EFL1: variants seen among roughly 807,000 people sequenced by gnomAD.
The protein encoded by EFL1 is elongation factor like GTPase 1.
In EFL1, 76 loss-of-function variants were observed where a neutral mutation model predicts 126.7. The ratio of observed to expected loss-of-function variants is 0.60; its 90% confidence interval spans 0.50 to 0.73. The LOEUF is 0.73. EFL1 is among the 30% of genes least tolerant of loss of function. The pLI is 0.00. For synonymous variants in EFL1, 410 were observed against 448.4 expected (o/e 0.91, Z 1.08); for missense variants, 1,128 against 1,343.2 (o/e 0.84, Z 2.50).
intron 16 of EFL1, among the ~76,000 whole-genome samples, chr15:82,160,736 A>G (rs2074014697): frequency 6.6e-6 from 1 of 152,194 alleles, no homozygotes; most frequent in African/African-American, 2.4e-5. Flanking sequence ...GGATTCCCAC[A>G]AGTGAAGATC....
intron 15 of EFL1, among the ~76,000 whole-genome samples, chr15:82,196,970 T>C (rs957505480): frequency 6.6e-6 from 1 of 151,350 alleles, no homozygotes; most frequent in African/African-American, 2.4e-5. Flanking sequence ...AGTCAGAGAT[T>C]GCAGTGAGCC....
chr15:82,202,536 C>T (rs1482322691), intron 15 of EFL1, among the ~76,000 whole-genome samples: 2 of 152,048 alleles, frequency 1.3e-5, no homozygotes, highest in Non-Finnish European at 2.9e-5. Context: ...TGTGCATCAT[C>T]CCACAGGATC....
intron 15 of EFL1, among the ~76,000 whole-genome samples, chr15:82,212,030 G>A (rs1490446146): frequency 2.0e-5 from 3 of 152,102 alleles, no homozygotes; most frequent in Non-Finnish European, 4.4e-5. Context: ...ACAAAATCCA[G>A]GGAAGATCTT....
At chr15:82,211,245 G>A (rs1451661584) in intron 15 of EFL1, among the ~76,000 whole-genome samples, 1 of 151,824 alleles carries the variant, frequency 6.6e-6, no homozygotes, top group Non-Finnish European at 1.5e-5. Flanking sequence ...CCAGACTCTC[G>A]GCTGGGCGCG....
At chr15:82,140,915 AT>A (rs958462740) in intron 18 of EFL1, among the ~76,000 whole-genome samples, 53 of 152,322 alleles carry the variant, frequency 3.5e-4, no homozygotes, top group Admixed American at 1.1e-3. Flanking sequence ...AGGGTAGCCC[AT>A]TCCATCTTTG....
At chr15:82,210,495 C>T (rs750054543) in intron 15 of EFL1, among the ~76,000 whole-genome samples, 7 of 152,220 alleles carry the variant, frequency 4.6e-5, no homozygotes, top group Non-Finnish European at 1.0e-4. Context: ...CAACAACTGG[C>T]ATCAGCCCCG....
chr15:82,132,448 A>G (rs537591196), intron 19 of EFL1, among the ~76,000 whole-genome samples: 13 of 152,244 alleles, frequency 8.5e-5, no homozygotes, highest in African/African-American at 3.1e-4. Context: ...ACTTTAAAAC[A>G]TATTACCTCT....
intron 7 of EFL1, among the ~76,000 whole-genome samples, chr15:82,231,705 G>A (rs1365041515): frequency 1.3e-5 from 2 of 150,898 alleles, no homozygotes; most frequent in Non-Finnish European, 2.9e-5. Flanking sequence ...ACACCATACT[G>A]AAAGCCCAAC....
rs146514288 is a variant in EFL1 at position 82,208,324 on chromosome 15, A to G, written c.1750+6393T>C. Among the ~76,000 whole-genome samples the G allele has an allele frequency of 3.5e-3, 533 of 152,352 alleles. 33 individuals carry two copies. In the East Asian group the frequency reaches 0.093, roughly 26 times the overall value. On this transcript the variant is annotated intron_variant, in intron 15 of 19. Transcript: ENST00000268206. The stretch of plus-strand genomic sequence containing the variant: ...CGTCATATACACATTTCTCAAGAGC[A>G]GCACTATACAATACGGCAACCGCTA...
intron 15 of EFL1, among the ~76,000 whole-genome samples, chr15:82,182,576 C>T (rs2074262520): frequency 6.6e-6 from 1 of 152,128 alleles, no homozygotes; most frequent in Non-Finnish European, 1.5e-5. Flanking sequence ...GTAATCCCAG[C>T]ACTTTGGGAG....
chr15:82,160,735 C>T (rs1186964854), intron 16 of EFL1, among the ~76,000 whole-genome samples: 1 of 152,176 alleles, frequency 6.6e-6, no homozygotes, highest in African/African-American at 2.4e-5. Flanking sequence ...TGGATTCCCA[C>T]AAGTGAAGAT....
chr15:82,198,706 A>C (rs906794491), intron 15 of EFL1, among the ~76,000 whole-genome samples: 1 of 152,224 alleles, frequency 6.6e-6, no homozygotes, highest in Non-Finnish European at 1.5e-5. Context: ...ATAGAGATTC[A>C]TCTACCTCAA....
rs369067530 is a variant in EFL1 at position 82,163,840 on chromosome 15, A to G, written c.1882+13T>C. On this transcript the variant is annotated intron_variant, in intron 16 of 19. Transcript: ENST00000268206. ...ATAATAAACATATGCTTTTAAAAAT[A>G]AGGTCATCTTACTTGGATGTTTTGG... 1 of 1,612,692 alleles carries G rather than the reference A, an allele frequency of 6.2e-7. No individual in the cohort carries two copies. The highest frequency in any genetic ancestry group is 8.5e-7 in the Non-Finnish European group (1 of 1,179,488).
At chr15:82,161,989 C>T (rs2074028254) in intron 16 of EFL1, among the ~76,000 whole-genome samples, 1 of 152,166 alleles carries the variant, frequency 6.6e-6, no homozygotes. Context: ...TAAAATATCA[C>T]ATCTTAGGCC....
chr15:82,143,011 AATAT>A (rs2073805440), intron 18 of EFL1, among the ~76,000 whole-genome samples: 1 of 152,142 alleles, frequency 6.6e-6, no homozygotes, highest in Admixed American at 6.5e-5. Flanking sequence ...CTTCTTCCAT[AATAT>A]TAAGATTAAC....
Position 82,194,097 on chromosome 15 carries a change from A to G in EFL1, c.1750+20620T>C, listed in dbSNP as rs569027600. ...ACTGAAGACTCACTTGGGAGTCCCT[A>G]GGTGAGTTTAAAACAGATCATTGAA... On this transcript the variant is annotated intron_variant, in intron 15 of 19. Transcript: ENST00000268206. Among the ~76,000 whole-genome samples, 3 of 152,316 alleles carry G rather than the reference A, an allele frequency of 2.0e-5. No homozygotes were observed. The South Asian group carries it at 6.2e-4, about 32-fold the overall frequency.
chr15:82,137,378 A>C (rs868419247), intron 19 of EFL1, among the ~76,000 whole-genome samples: 2 of 152,202 alleles, frequency 1.3e-5, no homozygotes, highest in African/African-American at 4.8e-5. Context: ...AGAAAAAAAA[A>C]CCATGGATTA....
At chr15:82,207,201 T>C (rs1160445431) in intron 15 of EFL1, among the ~76,000 whole-genome samples, 2 of 151,238 alleles carry the variant, frequency 1.3e-5, no homozygotes, top group Admixed American at 6.6e-5. Context: ...ATTAACCTAG[T>C]AAACAGAAAA....
chr15:82,211,545 T>TACAC (rs2074586135), intron 15 of EFL1, among the ~76,000 whole-genome samples: 1 of 66,476 alleles, frequency 1.5e-5, no homozygotes, highest in African/African-American at 7.8e-5. Context: ...AAAAAAAATC[T>TACAC]ATATACACAC....
Sources: allele counts gnomAD v4.1 joint callset (sites outside exome capture counted in the v4.1 genomes callset), GRCh38; gene constraint gnomAD v4.1.1; transcripts MANE v1.5; gene names NCBI Gene and HGNC (gene_info 2026-07-23, HGNC 2026-07-21).